JAZF1: variants seen among roughly 807,000 people sequenced by gnomAD.
JAZF1 encodes JAZF zinc finger 1, also known as juxtaposed with another zinc finger protein 1.
In JAZF1, 8 loss-of-function variants were observed where a neutral mutation model predicts 26.4. The observed-to-expected ratio is 0.30, with a 90% CI of 0.18 to 0.55. JAZF1 has a LOEUF of 0.55. Among genes scored for constraint, JAZF1 ranks in the 20% least tolerant of loss-of-function variants. The pLI, the probability that JAZF1 is intolerant of heterozygous loss-of-function variation, is 0.94. For missense variants in JAZF1, 199 were observed against 322.0 expected, an observed-to-expected ratio of 0.62 and a Z score of 2.92; for synonymous variants, 126 against 122.3, an observed-to-expected ratio of 1.03 and a Z score of -0.20.
At chr7:28,172,110 T>C (rs1783479175) in intron 1 of JAZF1, among the ~76,000 whole-genome samples, 1 of 152,196 alleles carries the variant, frequency 6.6e-6, no homozygotes, top group African/African-American at 2.4e-5. Flanking sequence ...CTGCTATAAA[T>C]ACTTCTTTTG....
At chr7:28,005,950 A>G (rs1027227003) in intron 1 of JAZF1, among the ~76,000 whole-genome samples, 2 of 152,060 alleles carry the variant, frequency 1.3e-5, no homozygotes, top group Non-Finnish European at 2.9e-5. Context: ...ACAGTCTGCT[A>G]CTTTCTGTGT....
At chr7:27,927,438 ATC>A (rs1296759906) in intron 2 of JAZF1, among the ~76,000 whole-genome samples, 2 of 152,240 alleles carry the variant, frequency 1.3e-5, no homozygotes, top group Non-Finnish European at 2.9e-5. Context: ...GTTTCTCAAC[ATC>A]TCTGTGCCTT....
At chr7:28,013,889 G>A (rs1173931232) in intron 1 of JAZF1, among the ~76,000 whole-genome samples, 4 of 152,080 alleles carry the variant, frequency 2.6e-5, no homozygotes, top group Non-Finnish European at 2.9e-5. Flanking sequence ...ATTAGGGTGT[G>A]GCTGGCAAGA....
At chr7:27,837,705 C>A (rs1399961453) in intron 4 of JAZF1, among the ~76,000 whole-genome samples, 1 of 152,128 alleles carries the variant, frequency 6.6e-6, no homozygotes, top group Non-Finnish European at 1.5e-5. Context: ...ATGAGAGATA[C>A]TGAGGGAGAG....
chr7:28,052,049 G>C (rs1313309751), intron 1 of JAZF1, among the ~76,000 whole-genome samples: 3 of 152,146 alleles, frequency 2.0e-5, no homozygotes, highest in Non-Finnish European at 4.4e-5. Context: ...AATTAACCTT[G>C]TGCACACCTC....
intron 2 of JAZF1, among the ~76,000 whole-genome samples, chr7:27,929,368 C>T (rs1163042728): frequency 6.6e-6 from 1 of 152,158 alleles, no homozygotes; most frequent in Non-Finnish European, 1.5e-5. Flanking sequence ...GGCCAGCAGG[C>T]CAGGGAGTGT....
At chr7:28,138,920 T>C (rs1306192495) in intron 1 of JAZF1, among the ~76,000 whole-genome samples, 3 of 152,230 alleles carry the variant, frequency 2.0e-5, no homozygotes, top group Admixed American at 6.5e-5. Context: ...ATAACATACA[T>C]GACAGTTGTT....
intron 2 of JAZF1, among the ~76,000 whole-genome samples, chr7:27,962,251 C>T (rs563193659): frequency 6.6e-6 from 1 of 152,206 alleles, no homozygotes; most frequent in African/African-American, 2.4e-5. Context: ...AATCATTTTC[C>T]TCAACATTTT....
rs774895628 is a variant in JAZF1 at position 27,840,747 on chromosome 7, T to C, written c.506A>G (p.Glu169Gly). The change falls in exon 4 of 5, where the codon GAA becomes GGA. Residue 169 changes from glutamate (E) to glycine (G), a missense_variant. Glu to Gly is a moderately conservative substitution (Grantham distance 98). Around this residue, in one of 2 missense-constraint regions of JAZF1, gnomAD observed 62 missense variants for 137.2 expected, o/e 0.45. Coordinates refer to ENST00000283928, the MANE Select transcript of JAZF1 (RefSeq NM_175061.4). This position sits in a 1 kb window ranked among gnomAD's most constrained non-coding sequence, Gnocchi z 5.1. The stretch of plus-strand genomic sequence containing the variant: ...AACTGGGCAGGCAAAAGGCTTCTCT[T>C]CCCCTCCATTCATGCACATGGAGCT... Reference protein sequence around the residue: ...ILSSMCMNGGEEKPFACPVPG... With the variant: ...ILSSMCMNGGGEKPFACPVPG... 19 of 1,614,064 alleles carry C rather than the reference T, an allele frequency of 1.2e-5. No homozygotes were observed. Among genetic ancestry groups the C allele is most frequent in the Non-Finnish European group, 1.5e-5 (18 of 1,180,014 alleles).
intron 1 of JAZF1, among the ~76,000 whole-genome samples, chr7:28,116,909 C>T (rs527652409): frequency 1.2e-3 from 183 of 152,006 alleles, no homozygotes; most frequent in African/African-American, 4.2e-3. Context: ...CTGCAACCTC[C>T]GCCTCCCAGG....
At chr7:27,863,935 C>T (rs1358309900) in intron 3 of JAZF1, 1 of 152,216 alleles carries the variant, frequency 6.6e-6, no homozygotes, top group African/African-American at 2.4e-5. Context: ...GTGAAACTCA[C>T]AAGTTGATGG....
intron 1 of JAZF1, among the ~76,000 whole-genome samples, chr7:28,086,602 G>A (rs1784215803): frequency 6.6e-6 from 1 of 152,098 alleles, no homozygotes; most frequent in Non-Finnish European, 1.5e-5. Context: ...AGACTTTCTG[G>A]GGCAGCCCTG....
intron 1 of JAZF1, among the ~76,000 whole-genome samples, chr7:28,122,258 G>T (rs1436981464): frequency 6.6e-6 from 1 of 152,084 alleles, no homozygotes; most frequent in Admixed American, 6.6e-5. Context: ...TCTCTAATGC[G>T]CTCCCAAACT....
intron 1 of JAZF1, among the ~76,000 whole-genome samples, chr7:28,007,995 C>A (rs1782734047): frequency 6.6e-6 from 1 of 152,138 alleles, no homozygotes; most frequent in African/African-American, 2.4e-5. Context: ...GAACCCACGA[C>A]AGAAGCTGCA....
intron 1 of JAZF1, 44 bp downstream of exon 1, chr7:28,180,419 G>A (rs1482855745): frequency 2.6e-6 from 4 of 1,524,130 alleles, no homozygotes; most frequent in Admixed American, 1.7e-5. Context: ...CCGGGCAGGA[G>A]TTTCCGCGCG....
intron 1 of JAZF1, among the ~76,000 whole-genome samples, chr7:28,094,454 G>A (rs113151624): frequency 0.021 from 3,150 of 152,266 alleles, 51 homozygotes; most frequent in Non-Finnish European, 0.032. Flanking sequence ...CTGCCTATCC[G>A]CTCCGTAGCA....
intron 1 of JAZF1, among the ~76,000 whole-genome samples, chr7:28,035,989 T>C (rs978407758): frequency 1.3e-5 from 2 of 152,244 alleles, no homozygotes; most frequent in Non-Finnish European, 2.9e-5. Flanking sequence ...CTTATCTTTT[T>C]TTCTAACAAT....
At chr7:27,940,129 G>A (rs1409820998) in intron 2 of JAZF1, among the ~76,000 whole-genome samples, 1 of 152,212 alleles carries the variant, frequency 6.6e-6, no homozygotes, top group Non-Finnish European at 1.5e-5. Context: ...TCCCTACAGA[G>A]TGCTGCGCCA....
intron 4 of JAZF1, among the ~76,000 whole-genome samples, chr7:27,835,962 T>A (rs1446264723): frequency 6.6e-6 from 1 of 152,236 alleles, no homozygotes; most frequent in Non-Finnish European, 1.5e-5. Flanking sequence ...TACTGGGTAC[T>A]TGATGTCAAT....
Sources: gnomAD v4.1 joint callset for allele counts (sites outside exome capture counted in the v4.1 genomes callset) on GRCh38, gnomAD v4.1.1 for gene constraint, gnomAD v4.1.1 regional missense constraint, Gnocchi (gnomAD v3.1) non-coding constraint, MANE v1.5 for transcripts, NCBI Gene and HGNC (gene_info 2026-07-23, HGNC 2026-07-21) for gene names.